Variants in ATP6V1B1 observed in about 807,000 individuals in gnomAD.
ATP6V1B1 encodes ATPase H+ transporting V1 subunit B1.
ATP6V1B1 carries 41 observed loss-of-function variants against 62.1 expected under a neutral mutation model. The observed-to-expected ratio is 0.66, with a 90% CI of 0.51 to 0.86. ATP6V1B1 has a LOEUF of 0.86. Among genes scored for constraint, ATP6V1B1 ranks in the 40% least tolerant of loss-of-function variants. ATP6V1B1 has a pLI of 0.00. For synonymous variants in ATP6V1B1, 253 were observed against 273.4 expected, an observed-to-expected ratio of 0.93 and a Z score of 0.74; for missense variants, 651 against 697.5, an observed-to-expected ratio of 0.93 and a Z score of 0.75.
At position 70,963,260 on chromosome 2, in the gene ATP6V1B1, G is replaced by C; in HGVS notation, c.1008G>C (p.Glu336Asp). ...ATIYERAGRV[E>D]GRGGSITQIP... ...TCTACGAGCGGGCGGGCCGCGTGGA[G>C]GGTCGGGGAGGATCCATCACACAGA... Residue 336 changes from glutamate (E) to aspartate (D), a missense_variant, in exon 10 of 14, where the codon GAG becomes GAC. By Grantham distance (45) the Glu-to-Asp change is conservative. Transcript: ENST00000234396. This position sits in a 1 kb window ranked among gnomAD's most constrained non-coding sequence, Gnocchi z 4.3. 1 of 1,613,780 alleles carries C rather than the reference G, an allele frequency of 6.2e-7. No homozygotes were observed. Among genetic ancestry groups the C allele is most frequent in the South Asian group, 1.1e-5 (1 of 91,072 alleles).
At chr2:70,941,878 T>C (rs1313100913) in intron 1 of ATP6V1B1, 3 of 986,302 alleles carry the variant, frequency 3.0e-6, no homozygotes, top group Admixed American at 6.2e-5. Flanking sequence ...CAAAGGACAG[T>C]GCACCCAGGC....
intron 2 of ATP6V1B1, among the ~76,000 whole-genome samples, chr2:70,944,670 T>A (rs1680103544): frequency 7.4e-6 from 1 of 135,294 alleles, no homozygotes; most frequent in African/African-American, 3.0e-5. Flanking sequence ...GGTCTTTTCT[T>A]TTTTTTTTTT....
intron 1 of ATP6V1B1, chr2:70,942,246 G>T (rs1170468995): frequency 5.0e-6 from 2 of 403,446 alleles, no homozygotes; most frequent in Non-Finnish European, 8.7e-6. Flanking sequence ...GGCCAGGCAG[G>T]TCTGTAAGGT....
intron 1 of ATP6V1B1, chr2:70,938,538 G>C (rs782337005): frequency 7.1e-6 from 7 of 985,108 alleles, no homozygotes; most frequent in Admixed American, 6.1e-5. Flanking sequence ...TCCCCCGGGG[G>C]AGGTGGGCTA....
chr2:70,944,207 T>C (rs1680088310), intron 2 of ATP6V1B1: 2 of 1,289,340 alleles, frequency 1.6e-6, no homozygotes, highest in African/African-American at 3.0e-5. Flanking sequence ...CTTTGGAATA[T>C]CTCAGTCTCA....
At chr2:70,942,080 G>A in intron 1 of ATP6V1B1, 1 of 1,111,694 alleles carries the variant, frequency 9.0e-7, no homozygotes, top group South Asian at 4.7e-5. Context: ...GAGAGGGAGA[G>A]AGAGACAGAG....
Position 70,965,306 on chromosome 2 carries a change from C to T in ATP6V1B1, c.*185C>T. On this transcript the variant is annotated 3_prime_UTR_variant, in exon 14 of 14. Coordinates refer to ENST00000234396, the MANE Select transcript of ATP6V1B1 (RefSeq NM_001692.4). ...TCGATTCCTTTTCCCGCGCTCCATGCCTCCCCCTCGACTCCCGGTGCTGCG... is the reference window on the plus strand; with the variant it reads ...TCGATTCCTTTTCCCGCGCTCCATGTCTCCCCCTCGACTCCCGGTGCTGCG... 1.2e-6 allele frequency: 1 copy of T among 823,230 alleles called. No individual in the cohort carries two copies. The highest frequency in any genetic ancestry group is 1.9e-6 in the Non-Finnish European group (1 of 534,372). The allele number at this position is 823,230 out of a possible 1,614,324, so 51.0% of individuals were successfully genotyped here. A position where few individuals can be genotyped will look rare whatever the true frequency, so the allele number is the denominator to read the frequency against.
At chr2:70,961,265 GAT>G (rs2104829224) in intron 7 of ATP6V1B1, among the ~76,000 whole-genome samples, 1 of 152,344 alleles carries the variant, frequency 6.6e-6, no homozygotes, top group Admixed American at 6.5e-5. Context: ...GGGGAAAAAA[GAT>G]AGCTTCAGGA....
At chr2:70,946,932 T>C (rs1044154441) in intron 2 of ATP6V1B1, among the ~76,000 whole-genome samples, 7 of 152,334 alleles carry the variant, frequency 4.6e-5, no homozygotes, top group African/African-American at 9.6e-5. Context: ...AGAAAAATAA[T>C]TGGGTGGTGG....
At chr2:70,952,456 C>CTA (rs1234959059) in intron 2 of ATP6V1B1, among the ~76,000 whole-genome samples, 1 of 149,646 alleles carries the variant, frequency 6.7e-6, no homozygotes, top group Non-Finnish European at 1.5e-5. Flanking sequence ...GAGTAAGACT[C>CTA]TGTCTCAAAA....
intron 2 of ATP6V1B1, among the ~76,000 whole-genome samples, chr2:70,957,014 C>T (rs1046323265): frequency 1.3e-5 from 2 of 150,808 alleles, no homozygotes; most frequent in Admixed American, 6.6e-5. Flanking sequence ...ATTTGTATGT[C>T]GTCTTTGTAG....
rs373687256 is a variant in ATP6V1B1 at position 70,937,494 on chromosome 2, T to C, written c.118+1422T>C. On this transcript the variant is annotated intron_variant, in intron 1 of 13. Coordinates refer to ENST00000234396, the MANE Select transcript of ATP6V1B1 (RefSeq NM_001692.4). ...CTGCCCCATGGAGCTCGGGGGAGGA[T>C]AGGAGGTCCGGATACTCCCTAGGCC... is the stretch of plus-strand genomic sequence containing the variant. Among the ~76,000 whole-genome samples, 173 of 151,952 alleles carry C rather than the reference T, an allele frequency of 1.1e-3. 1 individual carries two copies. Among genetic ancestry groups the C allele is most frequent in the African/African-American group, 4.0e-3 (166 of 41,418 alleles).
At chr2:70,939,144 G>A (rs1048053474) in intron 1 of ATP6V1B1, among the ~76,000 whole-genome samples, 19 of 152,274 alleles carry the variant, frequency 1.2e-4, no homozygotes, top group Non-Finnish European at 2.2e-4. Flanking sequence ...GGACGCTGCA[G>A]GTGTGGCTGG....
At chr2:70,958,178 A>G in intron 3 of ATP6V1B1, 34 bp downstream of exon 3, 1 of 1,603,260 alleles carries the variant, frequency 6.2e-7, no homozygotes, top group Non-Finnish European at 8.5e-7. Context: ...GGCTAGTTAA[A>G]TCAATGAATT....
At chr2:70,953,592 T>C (rs1277705354) in intron 2 of ATP6V1B1, among the ~76,000 whole-genome samples, 2 of 152,202 alleles carry the variant, frequency 1.3e-5, no homozygotes, top group Non-Finnish European at 2.9e-5. Context: ...TTGGTCTTTT[T>C]TATACATTGC....
chr2:70,956,665 T>C (rs868918145), intron 2 of ATP6V1B1, among the ~76,000 whole-genome samples: 9 of 152,164 alleles, frequency 5.9e-5, no homozygotes, highest in South Asian at 2.1e-4. Context: ...TACAGTTGCA[T>C]GATCTTGGCT....
rs545157208 is a variant in ATP6V1B1, at chr2:70,959,006, G to A, written c.368-12G>A. The A allele has an allele frequency of 2.9e-5, 46 of 1,613,946 alleles. 1 individual carries two copies. The highest frequency in any genetic ancestry group is 1.7e-4 in the Middle Eastern group (1 of 6,060). On this transcript the variant is annotated splice_polypyrimidine_tract_variant and intron_variant, in intron 4 of 13. Transcript: ENST00000234396. The surrounding 1 kb of genome is among the most constrained non-coding windows in gnomAD (Gnocchi z 4.2). ...GCCTGAGCACCCTGCAACACTCCTCGTCCACCCTCAGGTCGGGTTTTCAAT... is the reference window on the plus strand; with the variant it reads ...GCCTGAGCACCCTGCAACACTCCTCATCCACCCTCAGGTCGGGTTTTCAAT...
chr2:70,964,610 C>G (rs1680673989), intron 12 of ATP6V1B1, 68 bp downstream of exon 12: 6 of 1,610,288 alleles, frequency 3.7e-6, no homozygotes, highest in Non-Finnish European at 1.7e-6. Flanking sequence ...TGAGCCCCAT[C>G]TGAAGGACAA....
rs1254511471 is a variant in ATP6V1B1 at position 70,944,128 on chromosome 2, G to A, written c.174+415G>A. ...GACTCTCACAGGATCTTCTTTTAAC[G>A]GGAAAGAGGAGGAGGTGGCAAGTCA... On this transcript the variant is annotated intron_variant, in intron 2 of 13. Coordinates refer to ENST00000234396, the MANE Select transcript of ATP6V1B1 (RefSeq NM_001692.4). 1.0e-5 allele frequency: 13 copies of A among 1,281,622 alleles called. No individual in the cohort carries two copies. Among genetic ancestry groups the A allele is most frequent in the Non-Finnish European group, 1.3e-5 (13 of 987,618 alleles). The allele number at this position is 1,281,622 out of a possible 1,614,324, so 79.4% of individuals were successfully genotyped here. A position where few individuals can be genotyped will look rare whatever the true frequency, so the allele number is the denominator to read the frequency against.
Sources: gnomAD v4.1 joint callset for allele counts (sites outside exome capture counted in the v4.1 genomes callset) on GRCh38, gnomAD v4.1.1 for gene constraint, Gnocchi (gnomAD v3.1) non-coding constraint, MANE v1.5 for transcripts, NCBI Gene and HGNC (gene_info 2026-07-23, HGNC 2026-07-21) for gene names.